CAST: variants seen among roughly 807,000 people sequenced by gnomAD.
The protein encoded by CAST is MIR583 host.
CAST carries 76 observed loss-of-function variants against 119.6 expected under a neutral mutation model. The observed-to-expected ratio is 0.64, with a 90% CI of 0.53 to 0.77. CAST has a LOEUF of 0.77. Ranked by LOEUF, CAST falls within the 30% of genes least tolerant of loss-of-function variation. CAST has a pLI of 0.00. For missense variants in CAST, 953 were observed against 946.5 expected (o/e 1.01, Z -0.09); for synonymous variants, 319 against 331.6 (o/e 0.96, Z 0.41).
chr5:96,400,948 G>A, the CAST span, among the ~76,000 whole-genome samples: 814 of 151,364 alleles, frequency 5.4e-3, 6 homozygotes, highest in African/African-American at 0.019. Context: ...TTAGCCGGGC[G>A]CGGTGGCGGG....
At chr5:96,448,595 A>G in the CAST span, among the ~76,000 whole-genome samples, 1 of 151,908 alleles carries the variant, frequency 6.6e-6, no homozygotes, top group African/African-American at 2.4e-5. Context: ...AACAAATTGA[A>G]TGTTTGAATG....
chr5:96,312,159 A>T, the CAST span, among the ~76,000 whole-genome samples: 3 of 152,240 alleles, frequency 2.0e-5, no homozygotes, highest in East Asian at 5.8e-4. Context: ...AGATGATAAC[A>T]ACTCAAATTT....
At chr5:96,734,021 G>C (rs1161390213) in intron 9 of CAST, among the ~76,000 whole-genome samples, 1 of 152,194 alleles carries the variant, frequency 6.6e-6, no homozygotes, top group Non-Finnish European at 1.5e-5. Context: ...GCCCCCACAA[G>C]GTGTTATTTG....
intron 3 of CAST, 40 bp from the exon 4 acceptor site, chr5:96,722,599 A>G: frequency 6.8e-7 from 1 of 1,471,104 alleles, no homozygotes; most frequent in South Asian, 1.1e-5. Flanking sequence ...ATTGTAGGTT[A>G]AATAGAATCG....
chr5:96,171,463 G>C, the CAST span, among the ~76,000 whole-genome samples: 1 of 152,144 alleles, frequency 6.6e-6, no homozygotes, highest in African/African-American at 2.4e-5. Flanking sequence ...GCCAAAGCAG[G>C]CGTCCCTGCA....
the CAST span, among the ~76,000 whole-genome samples, chr5:96,281,937 T>C: frequency 6.6e-6 from 1 of 152,212 alleles, no homozygotes; most frequent in Non-Finnish European, 1.5e-5. Flanking sequence ...TTCTATTAGC[T>C]TTATCAACTC....
At chr5:96,377,138 AAC>A in the CAST span, among the ~76,000 whole-genome samples, 1 of 152,012 alleles carries the variant, frequency 6.6e-6, no homozygotes, top group African/African-American at 2.4e-5. Context: ...AGCCAAATAA[AAC>A]AGTCAAACTT....
At chr5:96,012,582 T>TAGAG in the CAST span, among the ~76,000 whole-genome samples, 1 of 152,206 alleles carries the variant, frequency 6.6e-6, no homozygotes, top group Non-Finnish European at 1.5e-5. Flanking sequence ...ACACAACTCT[T>TAGAG]CAGGACAAGA....
the CAST span, among the ~76,000 whole-genome samples, chr5:96,441,332 CT>C: frequency 5.3e-5 from 8 of 152,072 alleles, no homozygotes; most frequent in African/African-American, 1.4e-4. Context: ...TCCCCTTCCT[CT>C]TTTTTTTCTT....
chr5:96,179,077 T>C, the CAST span, among the ~76,000 whole-genome samples: 269 of 152,244 alleles, frequency 1.8e-3, 1 homozygote, highest in African/African-American at 6.2e-3. Context: ...TCAAATTTCA[T>C]CTTCTTCTCA....
At chr5:96,302,899 C>A in the CAST span, among the ~76,000 whole-genome samples, 1 of 152,214 alleles carries the variant, frequency 6.6e-6, no homozygotes, top group Non-Finnish European at 1.5e-5. Flanking sequence ...CTGTTCCAAT[C>A]CCTGCCCCTT....
At chr5:96,031,851 A>G in the CAST span, among the ~76,000 whole-genome samples, 2 of 152,162 alleles carry the variant, frequency 1.3e-5, no homozygotes, top group Non-Finnish European at 2.9e-5. Context: ...TGGATCAGGA[A>G]TTTGGGAGTA....
At chr5:96,472,861 G>A in the CAST span, among the ~76,000 whole-genome samples, 1 of 152,192 alleles carries the variant, frequency 6.6e-6, no homozygotes, top group Non-Finnish European at 1.5e-5. Context: ...ATACTGTCCT[G>A]GTTCTTGAGG....
the CAST span, chr5:96,395,055 T>G: frequency 6.5e-7 from 1 of 1,539,932 alleles, no homozygotes; most frequent in African/African-American, 1.4e-5. Context: ...ACATTTAGTA[T>G]GTGTTTTAGA....
the CAST span, among the ~76,000 whole-genome samples, chr5:96,271,413 A>G: frequency 2.6e-5 from 4 of 152,192 alleles, no homozygotes; most frequent in Non-Finnish European, 4.4e-5. Flanking sequence ...ACATAGACCA[A>G]TGGAACAGAA....
the CAST span, among the ~76,000 whole-genome samples, chr5:96,221,802 G>C: frequency 5.3e-5 from 8 of 152,026 alleles, no homozygotes; most frequent in African/African-American, 1.7e-4. Context: ...AGAGTCAAAG[G>C]AATCTTGAGC....
At chr5:96,768,257 T>C in intron 29 of CAST, 1 of 451,280 alleles carries the variant, frequency 2.2e-6, no homozygotes, top group Non-Finnish European at 4.1e-6. Context: ...CTAATTTTTG[T>C]ATTTTTTTGT....
chr5:96,685,334 T>A (rs1751958171), intron 2 of CAST, among the ~76,000 whole-genome samples: 1 of 152,160 alleles, frequency 6.6e-6, no homozygotes, highest in South Asian at 2.1e-4. Flanking sequence ...AAAGTTAACT[T>A]TTTTTATTCT....
At chr5:96,582,670 G>A (rs1004046133) in intron 1 of CAST, among the ~76,000 whole-genome samples, 1 of 152,216 alleles carries the variant, frequency 6.6e-6, no homozygotes, top group Non-Finnish European at 1.5e-5. Flanking sequence ...TTAGCGGTTT[G>A]CAAACTGTAA....
Sources: gnomAD v4.1 joint callset for allele counts (sites outside exome capture counted in the v4.1 genomes callset) on GRCh38, gnomAD v4.1.1 for gene constraint, MANE v1.5 for transcripts, NCBI Gene and HGNC (gene_info 2026-07-23, HGNC 2026-07-21) for gene names.